The following CNTLN variants were observed in gnomAD, a reference collection of about 807,000 sequenced individuals.
The protein encoded by CNTLN is centlein, centrosomal protein.
In CNTLN, 212 loss-of-function variants were observed where a neutral mutation model predicts 180.0. The observed-to-expected ratio is 1.18, with a 90% CI of 1.05 to 1.32. CNTLN has a LOEUF of 1.32. CNTLN is among the 40% of genes most tolerant of loss of function. The pLI is 0.00. For synonymous variants in CNTLN, 722 were observed against 563.1 expected (o/e 1.28, Z -3.99); for missense variants, 2,095 against 1,610.9 (o/e 1.30, Z -5.14).
chr9:17,514,595 A>G, the CNTLN span, among the ~76,000 whole-genome samples: 8 of 152,190 alleles, frequency 5.3e-5, no homozygotes, highest in African/African-American at 1.7e-4. Flanking sequence ...TAATAAAAAC[A>G]TAAGTATTCT....
chr9:17,442,646 G>A (rs1034295471), intron 18 of CNTLN, among the ~76,000 whole-genome samples: 3 of 152,110 alleles, frequency 2.0e-5, no homozygotes, highest in East Asian at 1.9e-4. Flanking sequence ...TGATTCACTC[G>A]CCTTGGCCTC....
At chr9:17,269,019 A>C (rs2132467996) in intron 5 of CNTLN, among the ~76,000 whole-genome samples, 1 of 152,108 alleles carries the variant, frequency 6.6e-6, no homozygotes, top group Non-Finnish European at 1.5e-5. Flanking sequence ...TGCTCTGGCT[A>C]GCGCACGGTG....
chr9:17,467,328 A>G (rs1831807720), intron 23 of CNTLN, among the ~76,000 whole-genome samples: 1 of 151,594 alleles, frequency 6.6e-6, no homozygotes, highest in South Asian at 2.1e-4. Context: ...CACATGACAA[A>G]CAGAACAAAG....
chr9:17,466,790 C>T lies in CNTLN; in HGVS notation c.3754C>T (p.Leu1252Phe). The T allele has an allele frequency of 6.2e-7, 1 of 1,611,016 alleles. No homozygotes were observed. The highest frequency in any genetic ancestry group is 8.5e-7 in the Non-Finnish European group (1 of 1,177,950). The change falls in exon 23 of 26, where the codon CTT (leucine) becomes TTT (phenylalanine). Residue 1252 changes from leucine (L) to phenylalanine (F), a missense_variant. Transcript: ENST00000380647. ...AEIETAASKQ[L>F]QELALQSEQV... ...AATTGAAACAGCAGCATCTAAGCAGCTTCAAGAATTAGCATTGCAAAGTGA... is the reference window on the plus strand; with the variant it reads ...AATTGAAACAGCAGCATCTAAGCAGTTTCAAGAATTAGCATTGCAAAGTGA...
intron 6 of CNTLN, among the ~76,000 whole-genome samples, chr9:17,291,216 C>T (rs143854329): frequency 4.6e-5 from 7 of 152,138 alleles, no homozygotes; most frequent in Admixed American, 2.6e-4. Flanking sequence ...GTTTTACTCC[C>T]AAGTACGTGA....
Position 17,135,431 on chromosome 9 carries a change from G to A in CNTLN, c.360+6G>A, listed in dbSNP as rs753253356. The A allele has an allele frequency of 1.9e-6, 3 of 1,591,086 alleles. No individual in the cohort carries two copies. The African/African-American group carries it at 4.0e-5, about 21-fold the overall frequency. ...AGGAGTTGGCCCTGTGTCAGGTATC[G>A]AGGAGTCTCGCAGTCCCCCTTTCCC... On this transcript the variant is annotated splice_donor_region_variant and intron_variant, in intron 1 of 25. Transcript: ENST00000380647.
rs1014734933 is a variant in CNTLN, at chr9:17,263,111, A to C, written c.850-10622A>C. ...CAACGTGCAGGTTTGTTACATATGTATACATGTGCCATGTTGGTGTGCTGC... is the reference window on the plus strand; with the variant it reads ...CAACGTGCAGGTTTGTTACATATGTCTACATGTGCCATGTTGGTGTGCTGC... On this transcript the variant is annotated intron_variant, in intron 5 of 25. Transcript: ENST00000380647. Among the ~76,000 whole-genome samples the C allele has an allele frequency of 2.7e-5, 4 of 150,820 alleles. No individual in the cohort carries two copies. The East Asian group carries it at 7.8e-4, about 29-fold the overall frequency.
At chr9:17,518,370 A>G in the CNTLN span, among the ~76,000 whole-genome samples, 157 of 152,108 alleles carry the variant, frequency 1.0e-3, no homozygotes, top group African/African-American at 3.6e-3. Flanking sequence ...AATACCACAG[A>G]TATGCAGTAT....
At chr9:17,288,924 C>G (rs1197120645) in intron 6 of CNTLN, among the ~76,000 whole-genome samples, 1 of 114,910 alleles carries the variant, frequency 8.7e-6, no homozygotes, top group Middle Eastern at 4.3e-3. Context: ...GATGGGTTTC[C>G]TGAATACAGC....
At chr9:17,331,872 T>A (rs1466157203) in intron 9 of CNTLN, among the ~76,000 whole-genome samples, 1 of 152,030 alleles carries the variant, frequency 6.6e-6, no homozygotes, top group Non-Finnish European at 1.5e-5. Flanking sequence ...GCTTGCTCGA[T>A]TGCTGAAATT....
At chr9:17,176,675 A>G (rs1410764205) in intron 2 of CNTLN, among the ~76,000 whole-genome samples, 4 of 152,156 alleles carry the variant, frequency 2.6e-5, no homozygotes, top group African/African-American at 9.7e-5. Context: ...TCTTCTTCAA[A>G]TATTTGGTGG....
At chr9:17,226,768 G>C (rs1014669197) in intron 3 of CNTLN, among the ~76,000 whole-genome samples, 3 of 151,866 alleles carry the variant, frequency 2.0e-5, no homozygotes, top group Non-Finnish European at 4.4e-5. Flanking sequence ...TTGGCTTATG[G>C]TTCTGCAGAC....
chr9:17,492,709 A>G (rs540605960), intron 25 of CNTLN, among the ~76,000 whole-genome samples: 20 of 152,324 alleles, frequency 1.3e-4, no homozygotes, highest in African/African-American at 4.6e-4. Context: ...TAGAGTTACC[A>G]TATTATCCAG....
At chr9:17,326,792 A>G (rs192681744) in intron 8 of CNTLN, among the ~76,000 whole-genome samples, 23 of 152,290 alleles carry the variant, frequency 1.5e-4, no homozygotes, top group Non-Finnish European at 2.9e-4. Flanking sequence ...TCATGAGAAA[A>G]ACATCAGACA....
At position 17,466,023 on chromosome 9, in the gene CNTLN, A is replaced by C. The variant is rs754951628; in HGVS notation, c.3574A>C (p.Ile1192Leu). 1 of 1,605,936 alleles carries C rather than the reference A, an allele frequency of 6.2e-7. No individual in the cohort carries two copies. Among genetic ancestry groups the C allele is most frequent in the East Asian group, 2.2e-5 (1 of 44,562 alleles). Reference sequence around the variant, plus strand: ...AGAATGTTCCAACAAGAAGGTATCAATTGATTCACTAAAGCAAAGACTTAA... The same window carrying C: ...AGAATGTTCCAACAAGAAGGTATCACTTGATTCACTAAAGCAAAGACTTAA... ...TEECSNKKVS[I>L]DSLKQRLNVA... Residue 1192 changes from isoleucine (I) to leucine (L), a missense_variant, in exon 22 of 26, where the codon ATT becomes CTT. By Grantham distance (5) the Ile-to-Leu change is conservative (BLOSUM62 2). Transcript: ENST00000380647.
intron 5 of CNTLN, among the ~76,000 whole-genome samples, chr9:17,272,541 G>A (rs570607104): frequency 2.6e-5 from 4 of 152,110 alleles, no homozygotes; most frequent in African/African-American, 7.2e-5. Context: ...TGGTACCTCA[G>A]TCTGGAGCTA....
chr9:17,480,151 A>T (rs1365884546), intron 23 of CNTLN, among the ~76,000 whole-genome samples: 1 of 152,088 alleles, frequency 6.6e-6, no homozygotes, highest in South Asian at 2.1e-4. Flanking sequence ...TGATTACACC[A>T]CTGCATTTCA....
Position 17,154,758 on chromosome 9 carries a change from A to G in CNTLN, c.449+11382A>G, listed in dbSNP as rs1819141454. 4.6e-5 allele frequency among the ~76,000 whole-genome samples: 7 copies of G among 152,238 alleles called. No homozygotes were observed. The South Asian group carries it at 1.4e-3, about 32-fold the overall frequency. On this transcript the variant is annotated intron_variant, in intron 2 of 25. Coordinates refer to ENST00000380647, the MANE Select transcript of CNTLN (RefSeq NM_017738.4). ...AAAACGGACCAGTCAGCACTCTGTA[A>G]AATGGACCAATCAGCGCTCTGTAAA... is the stretch of plus-strand genomic sequence containing the variant.
chr9:17,230,491 TTTTG>T (rs979433376), intron 3 of CNTLN, among the ~76,000 whole-genome samples: 3 of 151,918 alleles, frequency 2.0e-5, no homozygotes, highest in East Asian at 1.9e-4. Flanking sequence ...CTTCTTAGTT[TTTTG>T]TTTGTTTGTT....
Sources: allele counts gnomAD v4.1 joint callset (sites outside exome capture counted in the v4.1 genomes callset), GRCh38; gene constraint gnomAD v4.1.1; transcripts MANE v1.5; gene names NCBI Gene and HGNC (gene_info 2026-07-23, HGNC 2026-07-21).